The following CSF3R variants were observed in gnomAD, a reference collection of about 807,000 sequenced individuals.
CSF3R encodes granulocyte colony-stimulating factor receptor.
Under a neutral mutation model 84.4 loss-of-function variants are expected in CSF3R, and 52 were observed. The ratio of observed to expected loss-of-function variants is 0.62; its 90% CI spans 0.49 to 0.78. The LOEUF (loss-of-function observed/expected upper bound fraction) is 0.78. Ranked by LOEUF, CSF3R falls within the 30% of genes least tolerant of loss-of-function variation. CSF3R has a pLI of 0.00. For missense variants in CSF3R, 890 were observed against 1,055.7 expected, an observed-to-expected ratio of 0.84 and a Z score of 2.17; for synonymous variants, 384 against 429.1, an observed-to-expected ratio of 0.89 and a Z score of 1.30.
chr1:36,471,764 C>T lies in CSF3R; in HGVS notation c.1072-118G>A, dbSNP rs1467526618. The T allele has an allele frequency of 1.2e-4, 116 of 979,472 alleles. 1 individual carries two copies. The East Asian group carries it at 2.9e-3, about 24-fold the overall frequency. 60.7% of individuals were successfully genotyped at this position (979,472 alleles called of 1,614,324 possible). On this transcript the variant is annotated intron_variant, in intron 9 of 16. Transcript: ENST00000373106. ...GAGCCTCCCCAGGCTGGGGTCCAGG[C>T]TTCTCACCCCCCTCCCCTTTTCCCT...
At chr1:36,469,947 CTTTGG>C in intron 10 of CSF3R, 107 bp from the exon 11 acceptor site, 2 of 1,198,466 alleles carry the variant, frequency 1.7e-6, no homozygotes, top group Non-Finnish European at 2.4e-6. Context: ...GCTGGGTGAC[CTTTGG>C]TAGGTCAACA....
chr1:36,482,712 C>G (rs1225429776), intron 1 of CSF3R, 99 bp downstream of exon 1: 1 of 152,196 alleles, frequency 6.6e-6, no homozygotes, highest in Non-Finnish European at 1.5e-5. Flanking sequence ...CCTAGGACCC[C>G]GGACATGAAC....
rs952518863 is a variant in CSF3R, at chr1:36,466,439, T to C, written c.2429A>G (p.Asp810Gly). The C allele has an allele frequency of 1.9e-6, 3 of 1,613,514 alleles. No homozygotes were observed. Reference sequence around the variant, plus strand: ...GTTGAGCAGTGGCCCAAAGACACAGTCGTCCTCCTGGCTTGGGGCTGGGGT... The same window carrying C: ...GTTGAGCAGTGGCCCAAAGACACAGCCGTCCTCCTGGCTTGGGGCTGGGGT... ...LVTPAPSQED[D>G]CVFGPLLNFP... The change falls in exon 17 of 17, where the codon GAC (aspartate) becomes GGC (glycine). Residue 810 changes from aspartate to glycine, a missense_variant. Coordinates refer to ENST00000373106, the MANE Select transcript of CSF3R (RefSeq NM_000760.4). This position sits in a 1 kb window ranked among gnomAD's most constrained non-coding sequence, Gnocchi z 4.6.
rs1423425432 is a variant in CSF3R at position 36,467,979 on chromosome 1, G to C, written c.1724-17C>G. The C allele has an allele frequency of 6.2e-7, 1 of 1,614,222 alleles. No individual in the cohort carries two copies. The highest frequency in any genetic ancestry group is 1.7e-5 in the Admixed American group (1 of 60,036). Reference sequence around the variant, plus strand: ...GGATGGCGGCTGGGAGGGGTGTACGGTCAGCATAGGCCTGGATGGTAAAGC... The same window carrying C: ...GGATGGCGGCTGGGAGGGGTGTACGCTCAGCATAGGCCTGGATGGTAAAGC... On this transcript the variant is annotated splice_polypyrimidine_tract_variant and intron_variant, in intron 13 of 16. Coordinates refer to ENST00000373106, the MANE Select transcript of CSF3R (RefSeq NM_000760.4). The surrounding 1 kb of genome is among the most constrained non-coding windows in gnomAD (Gnocchi z 4.1).
chr1:36,473,715 C>G, intron 5 of CSF3R, 49 bp downstream of exon 5: 1 of 1,614,090 alleles, frequency 6.2e-7, no homozygotes, highest in Middle Eastern at 1.6e-4. Flanking sequence ...TACCCATGCC[C>G]TACCCCAGAA....
Position 36,466,605 on chromosome 1 carries a change from G to T in CSF3R, c.2263C>A (p.Leu755Met). ...GTSDQVLYGQ[L>M]LGSPTSPGPG... is the part of the protein sequence containing the mutation. ...CCTGGGCTTGTGGGGCTGCCCAGCA[G>T]CTGCCCATAAAGGACCTGATCGCTG... is the stretch of plus-strand genomic sequence containing the variant. The change falls in exon 17 of 17, where the codon CTG (leucine) becomes ATG (methionine). Residue 755 changes from leucine (L) to methionine (M), a missense_variant. By Grantham distance (15) the Leu-to-Met change is conservative. Transcript: ENST00000373106. The surrounding 1 kb of genome is among the most constrained non-coding windows in gnomAD (Gnocchi z 4.6). 1 of 1,613,454 alleles carries T rather than the reference G, an allele frequency of 6.2e-7. No homozygotes were observed. Among genetic ancestry groups the T allele is most frequent in the Non-Finnish European group, 8.5e-7 (1 of 1,179,532 alleles).
chr1:36,482,123 T>C (rs1323348155), intron 1 of CSF3R: 1 of 152,158 alleles, frequency 6.6e-6, no homozygotes, highest in Non-Finnish European at 1.5e-5. Flanking sequence ...GGGAGAGGCA[T>C]TTCCAGATAT....
rs372477295 is a variant in CSF3R at position 36,475,710 on chromosome 1, T to C, written c.65-37A>G. On this transcript the variant is annotated intron_variant, in intron 3 of 16. Coordinates refer to ENST00000373106, the MANE Select transcript of CSF3R (RefSeq NM_000760.4). ...GAGAATGGGCCAGGAACGACGCCTC[T>C]GCCTAGCAGAGCTGGGCTATAATCT... 4.0e-4 allele frequency: 636 copies of C among 1,587,264 alleles called. 3 individuals carry two copies. The highest frequency in any genetic ancestry group is 1.3e-3 in the Admixed American group (77 of 58,492).
intron 2 of CSF3R, among the ~76,000 whole-genome samples, chr1:36,480,400 C>G (rs550969824): frequency 6.6e-6 from 1 of 152,352 alleles, no homozygotes; most frequent in African/African-American, 2.4e-5. Flanking sequence ...GCACAGACCT[C>G]TGGTGGCCTT....
At chr1:36,471,680 G>A in intron 9 of CSF3R, 34 bp from the exon 10 acceptor site, 1 of 1,605,976 alleles carries the variant, frequency 6.2e-7, no homozygotes, top group Middle Eastern at 1.8e-4. Context: ...AGAAGGGGAT[G>A]TGCAGCTCAT....
intron 4 of CSF3R, among the ~76,000 whole-genome samples, chr1:36,474,706 G>A (rs1651013227): frequency 6.6e-6 from 1 of 152,154 alleles, no homozygotes; most frequent in Admixed American, 6.5e-5. Context: ...TTGAAAGGAA[G>A]TTTGAAACTG....
rs778419529 is a variant in CSF3R at position 36,468,211 on chromosome 1, A to G, written c.1587T>C (p.His529=). 5.7e-6 allele frequency: 9 copies of G among 1,591,210 alleles called. No individual in the cohort carries two copies. In the South Asian group the frequency reaches 1.0e-4, roughly 18 times the overall value. ...TGTGCTTTAGATGCAGCTCTGGGGCATGGGAGGGAGCTATGGGAAGAGAGA... is the reference window on the plus strand; with the variant it reads ...TGTGCTTTAGATGCAGCTCTGGGGCGTGGGAGGGAGCTATGGGAAGAGAGA... The part of the protein sequence containing the change: ...YAYSQEMAPS[H]APELHLKHIG... Residue 529 remains histidine, a synonymous_variant, in exon 13 of 17, where the codon CAT becomes CAC. Coordinates refer to ENST00000373106, the MANE Select transcript of CSF3R (RefSeq NM_000760.4).
At chr1:36,468,430 T>A in intron 12 of CSF3R, 1 of 509,462 alleles carries the variant, frequency 2.0e-6, no homozygotes, top group Non-Finnish European at 3.4e-6. Context: ...TGGCTCTGCT[T>A]GACTCTAAAG....
chr1:36,476,294 A>G (rs1392990456), intron 3 of CSF3R: 1 of 152,436 alleles, frequency 6.6e-6, no homozygotes, highest in African/African-American at 2.4e-5. Flanking sequence ...TATTAATTAC[A>G]TGATCCTGGT....
chr1:36,468,213 G>A lies in CSF3R; in HGVS notation c.1585C>T (p.His529Tyr). The A allele has an allele frequency of 6.3e-7, 1 of 1,588,876 alleles. No homozygotes were observed. The highest frequency in any genetic ancestry group is 8.6e-7 in the Non-Finnish European group (1 of 1,166,850). ...YAYSQEMAPS[H>Y]APELHLKHIG... ...TGCTTTAGATGCAGCTCTGGGGCAT[G>A]GGAGGGAGCTATGGGAAGAGAGAGG... The change falls in exon 13 of 17, where the codon CAT becomes TAT. Residue 529 changes from histidine (H) to tyrosine (Y), a missense_variant. By Grantham distance (83) the His-to-Tyr change is moderately conservative. Transcript: ENST00000373106.
At position 36,469,265 on chromosome 1, in the gene CSF3R, G is replaced by A; in HGVS notation, c.1475-8C>T. 1 of 1,607,636 alleles carries A rather than the reference G, an allele frequency of 6.2e-7. No homozygotes were observed. Among genetic ancestry groups the A allele is most frequent in the Non-Finnish European group, 8.5e-7 (1 of 1,174,062 alleles). On this transcript the variant is annotated splice_polypyrimidine_tract_variant and splice_region_variant and intron_variant, in intron 11 of 16. Transcript: ENST00000373106. ...GAAAGGGCCTGATGTTCTCTGTAGA[G>A]AGAAAATGGGGTAGGCACTTCTGTT...
At chr1:36,478,700 CA>C (rs1305215119) in intron 3 of CSF3R, among the ~76,000 whole-genome samples, 8 of 149,248 alleles carry the variant, frequency 5.4e-5, no homozygotes, top group Admixed American at 4.0e-4. Context: ...AATACAACAA[CA>C]AAAAAAAATT....
intron 10 of CSF3R, among the ~76,000 whole-genome samples, chr1:36,470,595 CT>C (rs1351968289): frequency 4.6e-5 from 7 of 152,308 alleles, no homozygotes; most frequent in African/African-American, 1.7e-4. Context: ...GGTTAAGAAA[CT>C]TGTCTAAGAT....
At position 36,471,542 on chromosome 1, in the gene CSF3R, C is replaced by T. The variant is rs748029771; in HGVS notation, c.1176G>A (p.Glu392=). Residue 392 remains glutamate, a synonymous_variant, in exon 10 of 17, where the codon GAG becomes GAA. Transcript: ENST00000373106. ...AAGGCAGGTGGAAGGTGCAGCTGAGCTCTGTGGTGTTGCAGAGGGGCAGGA... is the reference window on the plus strand; with the variant it reads ...AAGGCAGGTGGAAGGTGCAGCTGAGTTCTGTGGTGTTGCAGAGGGGCAGGA... ...GAILPLCNTT[E]LSCTFHLPSE... is the part of the protein sequence containing the mutation. 5 of 1,614,138 alleles carry T rather than the reference C, an allele frequency of 3.1e-6. No homozygotes were observed. The highest frequency in any genetic ancestry group is 3.4e-6 in the Non-Finnish European group (4 of 1,180,062).
Sources: allele counts gnomAD v4.1 joint callset (sites outside exome capture counted in the v4.1 genomes callset), GRCh38; gene constraint gnomAD v4.1.1; non-coding constraint Gnocchi (gnomAD v3.1); transcripts MANE v1.5; gene names NCBI Gene and HGNC (gene_info 2026-07-23, HGNC 2026-07-21).